Variants in STX8 observed in about 807,000 individuals in gnomAD.
The protein encoded by STX8 is syntaxin 8, also known as syntaxin-8.
STX8 carries 23 observed loss-of-function variants against 37.5 expected under a neutral mutation model. The ratio of observed to expected loss-of-function variants is 0.61; its 90% CI spans 0.44 to 0.87. The LOEUF (loss-of-function observed/expected upper bound fraction) is 0.87, where lower values mean the gene tolerates loss of function less well. Among genes scored for constraint, STX8 ranks in the 40% least tolerant of loss-of-function variants. The probability of loss-of-function intolerance (pLI) is 0.00; values close to 1 mark genes in which losing one functional copy is unlikely to be tolerated. For synonymous variants in STX8, 115 were observed against 99.1 expected (o/e 1.16, Z -0.95); for missense variants, 313 against 284.7 (o/e 1.10, Z -0.71).
In STX8 at chr17:9,522,560, A is replaced by C. The variant is rs923267017; in HGVS notation, c.324-17398T>G. ...AAAATCCAAAAAAAAAAAAAAAAAAAAAATTATCTGGGCATGTGGCGGGTG... is the reference window on the plus strand; with the variant it reads ...AAAATCCAAAAAAAAAAAAAAAAAACAAATTATCTGGGCATGTGGCGGGTG... On this transcript the variant is annotated intron_variant, in intron 4 of 7. Coordinates refer to ENST00000306357, the MANE Select transcript of STX8 (RefSeq NM_004853.3). Among the ~76,000 whole-genome samples, 5 of 151,684 alleles carry C rather than the reference A, an allele frequency of 3.3e-5. No individual in the cohort carries two copies. The East Asian group carries it at 9.7e-4, about 29-fold the overall frequency.
At chr17:9,439,814 TA>T (rs1904574877) in intron 6 of STX8, among the ~76,000 whole-genome samples, 2 of 152,028 alleles carry the variant, frequency 1.3e-5, no homozygotes, top group African/African-American at 4.8e-5. Flanking sequence ...TGCAATTTTT[TA>T]ATCAGGAAAG....
intron 4 of STX8, among the ~76,000 whole-genome samples, chr17:9,530,079 G>A (rs1195662288): frequency 4.6e-5 from 7 of 152,050 alleles, no homozygotes; most frequent in Admixed American, 2.0e-4. Context: ...AGGCTAAGGC[G>A]GGCGGTTCAT....
At chr17:9,410,113 C>G (rs1453901150) in intron 6 of STX8, among the ~76,000 whole-genome samples, 1 of 152,220 alleles carries the variant, frequency 6.6e-6, no homozygotes, top group African/African-American at 2.4e-5. Context: ...GCTCCCTCCA[C>G]CTTCATCCCA....
chr17:9,375,649 G>GAT (rs377599088), intron 7 of STX8, among the ~76,000 whole-genome samples: 1,682 of 152,242 alleles, frequency 0.011, 13 homozygotes, highest in Non-Finnish European at 0.015. Flanking sequence ...GGTTTTAAGT[G>GAT]ATATATATAT....
chr17:9,265,451 C>T (rs1378814362), intron 7 of STX8, among the ~76,000 whole-genome samples: 2 of 152,366 alleles, frequency 1.3e-5, no homozygotes, highest in East Asian at 1.9e-4. Context: ...AGGCAGGTCC[C>T]GGGCAAATGC....
chr17:9,379,974 A>G (rs971614003), intron 6 of STX8, among the ~76,000 whole-genome samples: 1 of 152,124 alleles, frequency 6.6e-6, no homozygotes, highest in African/African-American at 2.4e-5. Context: ...TCTCAAAAAA[A>G]AAAAGAAAAG....
At chr17:9,532,086 A>T (rs952607066) in intron 4 of STX8, among the ~76,000 whole-genome samples, 1 of 151,958 alleles carries the variant, frequency 6.6e-6, no homozygotes, top group African/African-American at 2.4e-5. Context: ...ATCCAAAGAG[A>T]TAATCTTTCT....
At chr17:9,558,789 C>T (rs1174399154) in intron 2 of STX8, among the ~76,000 whole-genome samples, 2 of 151,532 alleles carry the variant, frequency 1.3e-5, no homozygotes, top group Non-Finnish European at 2.9e-5. Context: ...CGCCACTGCA[C>T]TCCAGCCTGG....
At chr17:9,424,568 T>TC (rs1226194793) in intron 6 of STX8, among the ~76,000 whole-genome samples, 2 of 152,090 alleles carry the variant, frequency 1.3e-5, no homozygotes, top group East Asian at 3.9e-4. Context: ...CTCGATCCCC[T>TC]CTTCTTCCAC....
At chr17:9,498,234 A>G (rs1904478835) in intron 5 of STX8, among the ~76,000 whole-genome samples, 1 of 152,104 alleles carries the variant, frequency 6.6e-6, no homozygotes, top group Non-Finnish European at 1.5e-5. Context: ...TACTAAAAAT[A>G]CAAATATTAG....
At chr17:9,511,529 A>G (rs183194457) in intron 4 of STX8, among the ~76,000 whole-genome samples, 1 of 152,306 alleles carries the variant, frequency 6.6e-6, no homozygotes, top group East Asian at 1.9e-4. Context: ...AGATGCAGAA[A>G]AAAATTTGAT....
chr17:9,335,354 G>A (rs1032702776), intron 7 of STX8, among the ~76,000 whole-genome samples: 2 of 152,088 alleles, frequency 1.3e-5, no homozygotes, highest in South Asian at 2.1e-4. Context: ...TTTCTTTTGC[G>A]GCACTGAAAA....
At chr17:9,403,257 G>GA (rs1291587945) in intron 6 of STX8, among the ~76,000 whole-genome samples, 2 of 152,198 alleles carry the variant, frequency 1.3e-5, no homozygotes, top group African/African-American at 4.8e-5. Flanking sequence ...GACTGGTGGT[G>GA]AAAGTATCGA....
chr17:9,451,195 A>C (rs967654498), intron 6 of STX8, among the ~76,000 whole-genome samples: 1 of 152,112 alleles, frequency 6.6e-6, no homozygotes, highest in Non-Finnish European at 1.5e-5. Context: ...CCATAATCCC[A>C]TTAACAACTT....
intron 7 of STX8, among the ~76,000 whole-genome samples, chr17:9,376,714 G>C (rs914814753): frequency 6.6e-6 from 1 of 152,172 alleles, no homozygotes; most frequent in Non-Finnish European, 1.5e-5. Context: ...GCGAGACCAC[G>C]AACCCACCGG....
chr17:9,505,635 A>G (rs1313380422), intron 4 of STX8, among the ~76,000 whole-genome samples: 1 of 152,062 alleles, frequency 6.6e-6, no homozygotes, highest in East Asian at 1.9e-4. Context: ...AAGACCATAT[A>G]ATTTCCCATT....
intron 2 of STX8, among the ~76,000 whole-genome samples, chr17:9,559,833 G>T (rs1349860644): frequency 1.1e-4 from 1 of 8,986 alleles, no homozygotes; most frequent in Non-Finnish European, 1.8e-4. Flanking sequence ...AGTGATCTCA[G>T]CTCACTACAA....
At chr17:9,559,732 T>TATATATATATATATATA (rs1299629786) in intron 2 of STX8, among the ~76,000 whole-genome samples, 2 of 46,542 alleles carry the variant, frequency 4.3e-5, no homozygotes, top group African/African-American at 1.4e-4. Context: ...ATTATTATTA[T>TATATATATATATATATA]TTTATATATA....
chr17:9,412,902 G>A (rs1023048032), intron 6 of STX8, among the ~76,000 whole-genome samples: 2 of 152,146 alleles, frequency 1.3e-5, no homozygotes, highest in Admixed American at 6.5e-5. Flanking sequence ...GAGAAAGGAC[G>A]TAATCAAAGA....
Sources: gnomAD v4.1 joint callset for allele counts (sites outside exome capture counted in the v4.1 genomes callset) on GRCh38, gnomAD v4.1.1 for gene constraint, MANE v1.5 for transcripts, NCBI Gene and HGNC (gene_info 2026-07-23, HGNC 2026-07-21) for gene names.